The following KIRREL3 variants were observed in gnomAD, a reference collection of about 807,000 sequenced individuals.
KIRREL3 encodes kin of IRRE-like protein 3.
A neutral mutation model predicts 89.7 loss-of-function variants in KIRREL3; 36 were observed. The observed-to-expected ratio is 0.40, with a 90% confidence interval of 0.31 to 0.53. KIRREL3 has a LOEUF of 0.53. Among genes scored for constraint, KIRREL3 ranks in the 20% least tolerant of loss-of-function variants. The pLI is 0.49. For missense variants in KIRREL3, 864 were observed against 1,056.6 expected (o/e 0.82, Z 2.53); for synonymous variants, 445 against 441.4 (o/e 1.01, Z -0.10).
chr11:126,873,947 C>CT (rs1056518010), intron 1 of KIRREL3, among the ~76,000 whole-genome samples: 3 of 152,138 alleles, frequency 2.0e-5, no homozygotes, highest in East Asian at 1.9e-4. Context: ...CTGCTAAAAA[C>CT]TTTTTTTTCC....
At chr11:126,936,017 T>A (rs1948169967) in intron 1 of KIRREL3, 1 of 152,212 alleles carries the variant, frequency 6.6e-6, no homozygotes, top group Non-Finnish European at 1.5e-5. Context: ...TACTTTCTGT[T>A]CAATCTCTTG....
rs925381927 is a variant in KIRREL3, at chr11:126,431,198, G to T, written c.1696+221C>A. 2 of 1,485,158 alleles carry T rather than the reference G, an allele frequency of 1.3e-6. No homozygotes were observed. The highest frequency in any genetic ancestry group is 9.0e-7 in the Non-Finnish European group (1 of 1,113,782). The allele number at this position is 1,485,158 out of a possible 1,614,324, so 92.0% of individuals were successfully genotyped here. Reference sequence around the variant, plus strand: ...CTGGCTGCCCTGCAGATGAAGTTCAGTCTAGTCCAGGTCAACCTCAGCCTA... The same window carrying T: ...CTGGCTGCCCTGCAGATGAAGTTCATTCTAGTCCAGGTCAACCTCAGCCTA... On this transcript the variant is annotated intron_variant, in intron 14 of 16. Transcript: ENST00000525144. The surrounding 1 kb of genome is among the most constrained non-coding windows in gnomAD (Gnocchi z 7.1).
In KIRREL3 at chr11:126,526,898, C is replaced by T. The variant is rs1239361978; in HGVS notation, c.134-211G>A. On this transcript the variant is annotated intron_variant, in intron 2 of 16. Coordinates refer to ENST00000525144, the MANE Select transcript of KIRREL3 (RefSeq NM_032531.4). The surrounding 1 kb of genome is among the most constrained non-coding windows in gnomAD (Gnocchi z 5.7). ...TGGGGGCCTGGCTCCCAGCTCCAGCCCCTCTGCCCATCAGTCCCTAACACA... is the reference window on the plus strand; with the variant it reads ...TGGGGGCCTGGCTCCCAGCTCCAGCTCCTCTGCCCATCAGTCCCTAACACA... 6.6e-6 allele frequency among the ~76,000 whole-genome samples: 1 copy of T among 152,192 alleles called. No homozygotes were observed. The highest frequency in any genetic ancestry group is 2.4e-5 in the African/African-American group (1 of 41,436).
In KIRREL3 at chr11:126,747,678, A is replaced by T. The variant is rs1283566692; in HGVS notation, c.56-184766T>A. ...GTTCCTTGAGACTAGAAACGGTTTT[A>T]TTTATTTTGGAATCTCAAACCTAGC... On this transcript the variant is annotated intron_variant, in intron 1 of 16. Coordinates refer to ENST00000525144, the MANE Select transcript of KIRREL3 (RefSeq NM_032531.4). This position sits in a 1 kb window ranked among gnomAD's most constrained non-coding sequence, Gnocchi z 4.7. Among the ~76,000 whole-genome samples, 1 of 151,946 alleles carries T rather than the reference A, an allele frequency of 6.6e-6. No homozygotes were observed. The highest frequency in any genetic ancestry group is 1.5e-5 in the Non-Finnish European group (1 of 67,978).
At chr11:126,465,235 C>T (rs1374227000) in intron 5 of KIRREL3, among the ~76,000 whole-genome samples, 2 of 152,222 alleles carry the variant, frequency 1.3e-5, no homozygotes, top group Non-Finnish European at 2.9e-5. Flanking sequence ...CCCTCAAAAC[C>T]TCCCATAAAG....
chr11:126,730,831 C>A (rs973292300), intron 1 of KIRREL3, among the ~76,000 whole-genome samples: 8 of 152,174 alleles, frequency 5.3e-5, no homozygotes, highest in Non-Finnish European at 8.8e-5. Flanking sequence ...CTCCGCCTCC[C>A]AGGTTCACGC....
At chr11:126,632,693 G>A (rs200310256) in intron 1 of KIRREL3, among the ~76,000 whole-genome samples, 106 of 123,474 alleles carry the variant, frequency 8.6e-4, no homozygotes, top group East Asian at 4.0e-3. Flanking sequence ...CCTGCCACAA[G>A]CCTCCTCCAC....
rs117929185 is a variant in KIRREL3 at position 126,717,175 on chromosome 11, C to T, written c.56-154263G>A. On this transcript the variant is annotated intron_variant, in intron 1 of 16. Coordinates refer to ENST00000525144, the MANE Select transcript of KIRREL3 (RefSeq NM_032531.4). ...TGGTCCTTACCTTCAAGGCTGTCCT[C>T]GCTGGACTTTAGCTGTTGAACCCAC... is the stretch of plus-strand genomic sequence containing the variant. Among the ~76,000 whole-genome samples, 1,065 of 152,310 alleles carry T rather than the reference C, an allele frequency of 7.0e-3. 36 individuals carry two copies. Among genetic ancestry groups the T allele is most frequent in the East Asian group, 0.059 (307 of 5,180 alleles).
intron 1 of KIRREL3, among the ~76,000 whole-genome samples, chr11:126,848,218 A>G (rs1944213360): frequency 6.6e-6 from 1 of 152,354 alleles, no homozygotes; most frequent in South Asian, 2.1e-4. Context: ...GAGATTACTT[A>G]TGGAACAGAG....
chr11:126,843,513 C>T lies in KIRREL3; in HGVS notation c.55+156942G>A, dbSNP rs1944032568. On this transcript the variant is annotated intron_variant, in intron 1 of 16. Transcript: ENST00000525144. This position sits in a 1 kb window ranked among gnomAD's most constrained non-coding sequence, Gnocchi z 4.6. Reference sequence around the variant, plus strand: ...GTCTCGTCCCACAGAGACTTCCAGCCTAGTCAGCTATGCAATCAAACCAAA... The same window carrying T: ...GTCTCGTCCCACAGAGACTTCCAGCTTAGTCAGCTATGCAATCAAACCAAA... Among the ~76,000 whole-genome samples the T allele has an allele frequency of 1.3e-5, 2 of 152,144 alleles. No individual in the cohort carries two copies. The highest frequency in any genetic ancestry group is 4.8e-5 in the African/African-American group (2 of 41,432).
At chr11:126,927,465 A>T (rs1461454759) in intron 1 of KIRREL3, among the ~76,000 whole-genome samples, 1 of 152,248 alleles carries the variant, frequency 6.6e-6, no homozygotes, top group African/African-American at 2.4e-5. Flanking sequence ...AGTTTGTACT[A>T]GGCTTACATT....
In KIRREL3 at chr11:126,555,641, C is replaced by T. The variant is rs1207394304; in HGVS notation, c.133+7194G>A. ...CCTGCTTGAGGAGCAGCAGGAAGGC[C>T]CATGTGACTGGAGCGCAGGGTGTTT... On this transcript the variant is annotated intron_variant, in intron 2 of 16. Transcript: ENST00000525144. This position sits in a 1 kb window ranked among gnomAD's most constrained non-coding sequence, Gnocchi z 4.2. 6.6e-6 allele frequency among the ~76,000 whole-genome samples: 1 copy of T among 152,058 alleles called. No homozygotes were observed. The highest frequency in any genetic ancestry group is 1.5e-5 in the Non-Finnish European group (1 of 68,024).
Position 126,666,351 on chromosome 11 carries a change from C to A in KIRREL3, c.56-103439G>T, listed in dbSNP as rs1945664041. 6.6e-6 allele frequency among the ~76,000 whole-genome samples: 1 copy of A among 152,140 alleles called. No individual in the cohort carries two copies. ...AAGAGTGAGCATGGAAGTACTTAAGCACCAGGGAAAGGGGAGAAAGAAAAA... is the reference window on the plus strand; with the variant it reads ...AAGAGTGAGCATGGAAGTACTTAAGAACCAGGGAAAGGGGAGAAAGAAAAA... On this transcript the variant is annotated intron_variant, in intron 1 of 16. Coordinates refer to ENST00000525144, the MANE Select transcript of KIRREL3 (RefSeq NM_032531.4). The surrounding 1 kb of genome is among the most constrained non-coding windows in gnomAD (Gnocchi z 4.2).
rs531771563 is a variant in KIRREL3, at chr11:126,931,548, A to G, written c.55+68907T>C. On this transcript the variant is annotated intron_variant, in intron 1 of 16. Transcript: ENST00000525144. The surrounding 1 kb of genome is among the most constrained non-coding windows in gnomAD (Gnocchi z 5.1). ...CGTTCTTCTGAAGGCTCCCTTAAGT[A>G]AGCCCTCTTGGCTAGTCATTCTAGA... Among the ~76,000 whole-genome samples the G allele has an allele frequency of 2.0e-4, 30 of 152,336 alleles. No individual in the cohort carries two copies. The highest frequency in any genetic ancestry group is 7.0e-4 in the African/African-American group (29 of 41,578).
chr11:126,934,521 TGA>T (rs1266672828), intron 1 of KIRREL3, among the ~76,000 whole-genome samples: 3 of 152,122 alleles, frequency 2.0e-5, no homozygotes, highest in African/African-American at 4.8e-5. Context: ...AGCCACACAC[TGA>T]GAGAAAATTC....
rs966029114 is a variant in KIRREL3 at position 126,531,505 on chromosome 11, T to C, written c.134-4818A>G. Among the ~76,000 whole-genome samples the C allele has an allele frequency of 6.6e-6, 1 of 152,126 alleles. No homozygotes were observed. Among genetic ancestry groups the C allele is most frequent in the African/African-American group, 2.4e-5 (1 of 41,400 alleles). On this transcript the variant is annotated intron_variant, in intron 2 of 16. Coordinates refer to ENST00000525144, the MANE Select transcript of KIRREL3 (RefSeq NM_032531.4). This position sits in a 1 kb window ranked among gnomAD's most constrained non-coding sequence, Gnocchi z 4.7. The stretch of plus-strand genomic sequence containing the variant: ...GTGCTGGCTAGTCACTAAGGTCACC[T>C]GCCTCGAGTTCTCCTCGATGTTTCA...
Position 126,772,672 on chromosome 11 carries a change from C to T in KIRREL3, c.56-209760G>A, listed in dbSNP as rs951608487. Among the ~76,000 whole-genome samples, 1 of 152,198 alleles carries T rather than the reference C, an allele frequency of 6.6e-6. No individual in the cohort carries two copies. The highest frequency in any genetic ancestry group is 2.4e-5 in the African/African-American group (1 of 41,448). On this transcript the variant is annotated intron_variant, in intron 1 of 16. Transcript: ENST00000525144. This position sits in a 1 kb window ranked among gnomAD's most constrained non-coding sequence, Gnocchi z 4.6. ...GCATCCCTCTCCTGGTACTCATGCC[C>T]ACCCCCTAACTGCCTCAGCCTTGAA... is the stretch of plus-strand genomic sequence containing the variant.
At chr11:126,854,792 C>T (rs1343606763) in intron 1 of KIRREL3, among the ~76,000 whole-genome samples, 3 of 152,106 alleles carry the variant, frequency 2.0e-5, no homozygotes, top group African/African-American at 7.2e-5. Flanking sequence ...TTTTGAGGAA[C>T]CTCCATATTG....
intron 1 of KIRREL3, among the ~76,000 whole-genome samples, chr11:126,789,928 C>G (rs577563037): frequency 6.6e-6 from 1 of 152,324 alleles, no homozygotes; most frequent in Admixed American, 6.5e-5. Flanking sequence ...TTTATACCTT[C>G]AGCCCAAACC....
Sources: gnomAD v4.1 joint callset for allele counts (sites outside exome capture counted in the v4.1 genomes callset) on GRCh38, gnomAD v4.1.1 for gene constraint, Gnocchi (gnomAD v3.1) non-coding constraint, MANE v1.5 for transcripts, NCBI Gene and HGNC (gene_info 2026-07-23, HGNC 2026-07-21) for gene names.